The following EEF2 variants were observed in gnomAD, a reference collection of about 807,000 sequenced individuals.
The protein encoded by EEF2 is elongation factor 2.
Under a neutral mutation model 85.3 loss-of-function variants are expected in EEF2, and 21 were observed. The observed-to-expected ratio is 0.25, with a 90% CI of 0.17 to 0.35. The LOEUF (loss-of-function observed/expected upper bound fraction) is 0.35. Ranked by LOEUF, EEF2 falls within the 10% of genes least tolerant of loss-of-function variation. The pLI, the probability that EEF2 is intolerant of heterozygous loss-of-function variation, is 1.00. For missense variants in EEF2, 825 were observed against 1,225.3 expected, an observed-to-expected ratio of 0.67 and a Z score of 4.88; for synonymous variants, 723 against 508.8, an observed-to-expected ratio of 1.42 and a Z score of -5.67.
intron 4 of EEF2, 72 bp downstream of exon 4, chr19:3,982,735 C>T (rs901154131): frequency 1.3e-6 from 2 of 1,507,936 alleles, no homozygotes; most frequent in Admixed American, 1.9e-5. Context: ...CCCCTCAGCT[C>T]AACTCCACTC....
chr19:3,977,761 G>T lies in EEF2; in HGVS notation c.2067+58C>A, dbSNP rs376845364. 74 of 1,504,658 alleles carry T rather than the reference G, an allele frequency of 4.9e-5. No homozygotes were observed. The East Asian group carries it at 1.6e-3, about 33-fold the overall frequency. 93.2% of individuals were successfully genotyped at this position (1,504,658 alleles called of 1,614,324 possible). On this transcript the variant is annotated intron_variant, in intron 12 of 14. Coordinates refer to ENST00000309311, the MANE Select transcript of EEF2 (RefSeq NM_001961.4). The surrounding 1 kb of genome is among the most constrained non-coding windows in gnomAD (Gnocchi z 5.4). The stretch of plus-strand genomic sequence containing the variant: ...TCTCTGTCTCGGGAGGCAGGACCAT[G>T]AGGTCCCTCTAGAGCCTGGAAACGG...
chr19:3,977,354 GA>G lies in EEF2; in HGVS notation c.2251-8del, dbSNP rs1436867457. 1 of 1,590,344 alleles carries G rather than the reference GA, an allele frequency of 6.3e-7. No homozygotes were observed. The highest frequency in any genetic ancestry group is 1.3e-5 in the African/African-American group (1 of 74,650). On this transcript the variant is annotated splice_polypyrimidine_tract_variant and splice_region_variant and intron_variant, in intron 13 of 14. Coordinates refer to ENST00000309311, the MANE Select transcript of EEF2 (RefSeq NM_001961.4). The surrounding 1 kb of genome is among the most constrained non-coding windows in gnomAD (Gnocchi z 5.4). ...CGACCACCTGCTCTGGACACTGCCAGAAGGGAAAGAAAACCTGTCAGTGGCC... is the reference window on the plus strand; with the variant it reads ...CGACCACCTGCTCTGGACACTGCCAGAGGGAAAGAAAACCTGTCAGTGGCC...
rs1335681785 is a variant in EEF2, at chr19:3,982,875, C to T, written c.544G>A (p.Val182Met). The T allele has an allele frequency of 2.5e-6, 4 of 1,613,712 alleles. No individual in the cohort carries two copies. The highest frequency in any genetic ancestry group is 1.7e-5 in the Admixed American group (1 of 60,018). ...EELYQTFQRI[V>M]ENVNVIISTY... is the part of the protein sequence containing the mutation. The stretch of plus-strand genomic sequence containing the variant: ...GAGATGATGACGTTCACGTTCTCCA[C>T]GATGCGCTGGAAAGTCTGGTAGAGC... The change falls in exon 4 of 15, where the codon GTG becomes ATG. Residue 182 changes from valine (V) to methionine (M), a missense_variant. Transcript: ENST00000309311.
chr19:3,979,990 C>A lies in EEF2; in HGVS notation c.1423G>T (p.Val475Leu). The change falls in exon 10 of 15, where the codon GTG (valine) becomes TTG (leucine). Residue 475 changes from valine (V) to leucine (L), a missense_variant. Val to Leu is a conservative substitution (Grantham distance 32). Coordinates refer to ENST00000309311, the MANE Select transcript of EEF2 (RefSeq NM_001961.4). ...PCGNIVGLVG[V>L]DQFLVKTGTI... ...CCCGTCTTCACCAGGAACTGGTCCA[C>A]GCCCACGAGGCCCACAATGTTCCCA... The A allele has an allele frequency of 6.2e-7, 1 of 1,613,906 alleles. No individual in the cohort carries two copies. Among genetic ancestry groups the A allele is most frequent in the Non-Finnish European group, 8.5e-7 (1 of 1,180,044 alleles).
chr19:3,980,396 T>A (rs2039730662), intron 9 of EEF2, 118 bp downstream of exon 9: 1 of 1,284,866 alleles, frequency 7.8e-7, no homozygotes, highest in Non-Finnish European at 1.1e-6. Context: ...GGCACAAGTA[T>A]CACCCTATAT....
At position 3,981,404 on chromosome 19, in the gene EEF2, T is replaced by A. The variant is rs757096142; in HGVS notation, c.946A>T (p.Ile316Leu). ...TCCAGTTTGATGTCCAGTTTCTCTA[T>A]CAGTTTTGCTGTCTCCTCTTTCTTG... ...NFKKEETAKL[I>L]EKLDIKLDSE... The change falls in exon 7 of 15, where the codon ATA (isoleucine) becomes TTA (leucine). Residue 316 changes from isoleucine to leucine, a missense_variant. By Grantham distance (5) the Ile-to-Leu change is conservative. Coordinates refer to ENST00000309311, the MANE Select transcript of EEF2 (RefSeq NM_001961.4). 17 of 1,614,122 alleles carry A rather than the reference T, an allele frequency of 1.1e-5. No homozygotes were observed. Among genetic ancestry groups the A allele is most frequent in the Non-Finnish European group, 1.4e-5 (17 of 1,180,052 alleles).
rs370412770 is a variant in EEF2, at chr19:3,980,730, G to C, written c.1151-21C>G. Reference sequence around the variant, plus strand: ...AATGCCTGAGGGACAGAGAAAACCCGCAAGCTTTATTCCAGTGCAGCTCAG... The same window carrying C: ...AATGCCTGAGGGACAGAGAAAACCCCCAAGCTTTATTCCAGTGCAGCTCAG... On this transcript the variant is annotated intron_variant, in intron 8 of 14. Transcript: ENST00000309311. 3.1e-6 allele frequency: 5 copies of C among 1,609,170 alleles called. No homozygotes were observed. The Admixed American group carries it at 6.7e-5, about 22-fold the overall frequency.
rs1190601482 is a variant in EEF2 at position 3,976,523 on chromosome 19, C to G, written c.*31G>C. On this transcript the variant is annotated 3_prime_UTR_variant, in exon 15 of 15. Transcript: ENST00000309311. Reference sequence around the variant, plus strand: ...GTGGTGCTGTGGGTGCTGCGAGTCCCCGGGGCGGCAGGCGCTGCAGGAAGG... The same window carrying G: ...GTGGTGCTGTGGGTGCTGCGAGTCCGCGGGGCGGCAGGCGCTGCAGGAAGG... 1.3e-6 allele frequency: 2 copies of G among 1,578,566 alleles called. No homozygotes were observed. The highest frequency in any genetic ancestry group is 2.3e-5 in the East Asian group (1 of 42,848).
chr19:3,985,335 C>A (rs1286287765), intron 1 of EEF2, 43 bp downstream of exon 1: 3 of 1,445,548 alleles, frequency 2.1e-6, no homozygotes, highest in Admixed American at 5.5e-5. Flanking sequence ...CCCGCGGAGG[C>A]CCCGCCGCCG....
In EEF2 at chr19:3,980,769, T is replaced by C. The variant is rs2039735678; in HGVS notation, c.1151-60A>G. ...AGTGCAGCTCAGCCTTCTGGAACCC[T>C]GCAACCCACAACCTTGGGCAACAGG... is the stretch of plus-strand genomic sequence containing the variant. On this transcript the variant is annotated intron_variant, in intron 8 of 14. Coordinates refer to ENST00000309311, the MANE Select transcript of EEF2 (RefSeq NM_001961.4). The C allele has an allele frequency of 3.1e-6, 5 of 1,596,284 alleles. No homozygotes were observed. In the South Asian group the frequency reaches 5.6e-5, roughly 18 times the overall value.
intron 11 of EEF2, among the ~76,000 whole-genome samples, chr19:3,979,057 G>A (rs1260786297): frequency 2.6e-5 from 4 of 151,982 alleles, no homozygotes; most frequent in South Asian, 2.1e-4. Flanking sequence ...GCTTGAACCC[G>A]GGAGGTGGAG....
chr19:3,977,019 T>G lies in EEF2; in HGVS notation c.2383+196A>C, dbSNP rs1382413892. ...TCCAGGCCCAGAGCCCTTCTCACAC[T>G]GGGGATAGGAGAGCCCCTCCCCTGG... On this transcript the variant is annotated intron_variant, in intron 14 of 14. Transcript: ENST00000309311. The surrounding 1 kb of genome is among the most constrained non-coding windows in gnomAD (Gnocchi z 5.4). 6.6e-6 allele frequency among the ~76,000 whole-genome samples: 1 copy of G among 152,214 alleles called. No individual in the cohort carries two copies. Among genetic ancestry groups the G allele is most frequent in the African/African-American group, 2.4e-5 (1 of 41,460 alleles).
Position 3,976,456 on chromosome 19 carries a change from G to C in EEF2, c.*98C>G. Reference sequence around the variant, plus strand: ...AGAAACCTCTCAGGGGAGCGTCGCTGTGTCGGGACAGTCTCCAGGTGTCGT... The same window carrying C: ...AGAAACCTCTCAGGGGAGCGTCGCTCTGTCGGGACAGTCTCCAGGTGTCGT... On this transcript the variant is annotated 3_prime_UTR_variant, in exon 15 of 15. Transcript: ENST00000309311. 7.1e-7 allele frequency: 1 copy of C among 1,407,142 alleles called. No homozygotes were observed. Among genetic ancestry groups the C allele is most frequent in the Non-Finnish European group, 9.6e-7 (1 of 1,038,140 alleles). 87.2% of individuals were successfully genotyped at this position (1,407,142 alleles called of 1,614,324 possible).
At position 3,980,066 on chromosome 19, in the gene EEF2, T is replaced by C; in HGVS notation, c.1347A>G (p.Arg449=). Residue 449 remains arginine (R), a splice_region_variant and synonymous_variant, in exon 10 of 15, where the codon AGA becomes AGG. Coordinates refer to ENST00000309311, the MANE Select transcript of EEF2 (RefSeq NM_001961.4). ...CGTAGCGGCCCATCATCAAGATTGT[T>C]CTGGAAGAAGCAGAAGGCGGCAGCA... is the stretch of plus-strand genomic sequence containing the variant. ...KEDLYLKPIQ[R]TILMMGRYVE... The C allele has an allele frequency of 1.2e-6, 2 of 1,611,546 alleles. No individual in the cohort carries two copies. The highest frequency in any genetic ancestry group is 1.7e-6 in the Non-Finnish European group (2 of 1,178,750).
chr19:3,982,198 A>C, intron 5 of EEF2, 48 bp downstream of exon 5: 1 of 1,608,918 alleles, frequency 6.2e-7, no homozygotes, highest in Non-Finnish European at 8.5e-7. Context: ...CGTCGCTGCC[A>C]CTACCCCCAG....
intron 9 of EEF2, 79 bp downstream of exon 9, chr19:3,980,435 C>CCAA: frequency 6.7e-7 from 1 of 1,494,840 alleles, no homozygotes; most frequent in Middle Eastern, 2.1e-4. Flanking sequence ...TTCTAGCTCC[C>CCAA]GACTGAGGAG....
intron 1 of EEF2, 86 bp from the exon 2 acceptor site, chr19:3,984,436 T>G: frequency 6.9e-7 from 1 of 1,439,102 alleles, no homozygotes; most frequent in South Asian, 1.2e-5. Flanking sequence ...CGAACCAGCA[T>G]GCCCAAGGCC....
Position 3,984,253 on chromosome 19 carries a change from G to A in EEF2, c.101C>T (p.Thr34Met), listed in dbSNP as rs759476297. 1.2e-6 allele frequency: 2 copies of A among 1,614,074 alleles called. No homozygotes were observed. The highest frequency in any genetic ancestry group is 1.3e-5 in the African/African-American group (1 of 74,942). The part of the protein sequence containing the change: ...VIAHVDHGKS[T>M]LTDSLVCKAG... ...CTTGCACACCAGGGAGTCTGTCAGC[G>A]TGGACTTGCCATGGTCCACGTGGGC... The change falls in exon 2 of 15, where the codon ACG becomes ATG. Residue 34 changes from threonine to methionine, a missense_variant. By Grantham distance (81) the Thr-to-Met change is moderately conservative. Coordinates refer to ENST00000309311, the MANE Select transcript of EEF2 (RefSeq NM_001961.4).
At chr19:3,981,723 T>C (rs1033543682) in intron 6 of EEF2, among the ~76,000 whole-genome samples, 9 of 152,228 alleles carry the variant, frequency 5.9e-5, no homozygotes, top group African/African-American at 2.2e-4. Flanking sequence ...CCACAAGTTA[T>C]TCAACCCCCT....
Sources: gnomAD v4.1 joint callset for allele counts (sites outside exome capture counted in the v4.1 genomes callset) on GRCh38, gnomAD v4.1.1 for gene constraint, Gnocchi (gnomAD v3.1) non-coding constraint, MANE v1.5 for transcripts, NCBI Gene and HGNC (gene_info 2026-07-23, HGNC 2026-07-21) for gene names.